PEPD: variants seen among roughly 807,000 people sequenced by gnomAD.
PEPD encodes xaa-Pro dipeptidase.
A neutral mutation model predicts 60.7 loss-of-function variants in PEPD; 53 were observed. The observed-to-expected ratio is 0.87, with a 90% CI of 0.70 to 1.10. The LOEUF is 1.10. PEPD is among the 50% of genes least tolerant of loss of function. PEPD has a pLI of 0.00. For missense variants in PEPD, 711 were observed against 711.9 expected (o/e 1.00, Z 0.01); for synonymous variants, 267 against 284.1 (o/e 0.94, Z 0.60).
At chr19:33,469,898 C>G (rs1356305987) in intron 7 of PEPD, among the ~76,000 whole-genome samples, 1 of 151,852 alleles carries the variant, frequency 6.6e-6, no homozygotes, top group Non-Finnish European at 1.5e-5. Context: ...TGCCAGCCCT[C>G]CCCTCCCCTT....
intron 2 of PEPD, among the ~76,000 whole-genome samples, chr19:33,511,928 C>A (rs1970934045): frequency 6.6e-6 from 1 of 152,192 alleles, no homozygotes; most frequent in Admixed American, 6.5e-5. Flanking sequence ...GGTCGCTCAG[C>A]AATGGGTCTC....
rs7254470 is a variant in PEPD at position 33,412,603 on chromosome 19, G to C, written c.741-854C>G. Among the ~76,000 whole-genome samples the C allele has an allele frequency of 2.9e-4, 44 of 152,344 alleles. No individual in the cohort carries two copies. In the East Asian group the frequency reaches 5.6e-3, roughly 19 times the overall value. On this transcript the variant is annotated intron_variant, in intron 10 of 14. Transcript: ENST00000244137. ...AAAGGACTTTTAAGTCTGTCCAAAG[G>C]GGGGAAGGAAACCCCCACCTGGGTG...
chr19:33,452,971 GA>G (rs1969724125), intron 9 of PEPD, among the ~76,000 whole-genome samples: 1 of 152,172 alleles, frequency 6.6e-6, no homozygotes, highest in African/African-American at 2.4e-5. Flanking sequence ...AGAGTTAAAG[GA>G]AAAAAATATA....
intron 11 of PEPD, among the ~76,000 whole-genome samples, chr19:33,411,385 G>A (rs1968768077): frequency 6.6e-6 from 1 of 152,208 alleles, no homozygotes; most frequent in East Asian, 1.9e-4. Flanking sequence ...GATGGTTCAG[G>A]CCCCCTCAGA....
At chr19:33,485,491 T>TAAAAAAAAAAAAAAAAAAAAAAAAAAA (rs908651690) in intron 6 of PEPD, among the ~76,000 whole-genome samples, 3 of 110,964 alleles carry the variant, frequency 2.7e-5, no homozygotes, top group African/African-American at 1.1e-4. Context: ...AGACTCTGTC[T>TAAAAAAAAAAAAAAAAAAAAAAAAAAA]AAAAAAAAAA....
intron 4 of PEPD, among the ~76,000 whole-genome samples, chr19:33,497,247 G>A (rs528753245): frequency 1.1e-4 from 16 of 152,356 alleles, no homozygotes; most frequent in Admixed American, 2.0e-4. Context: ...GTGCTGCTGC[G>A]GTTGTCCTCT....
intron 9 of PEPD, among the ~76,000 whole-genome samples, chr19:33,453,317 AAAAT>A (rs146067299): frequency 1.2e-4 from 18 of 148,656 alleles, no homozygotes; most frequent in African/African-American, 2.5e-4. Flanking sequence ...CTGTCATAAA[AAAAT>A]AAATAAATAA....
At chr19:33,394,751 C>T (rs1331736174) in intron 12 of PEPD, among the ~76,000 whole-genome samples, 1 of 152,312 alleles carries the variant, frequency 6.6e-6, no homozygotes, top group Admixed American at 6.5e-5. Flanking sequence ...CTGGAAGGCA[C>T]CCCCGGCCCC....
chr19:33,425,297 A>AAAACAAACAAACAAACAAACAAAC (rs113458763), intron 9 of PEPD, among the ~76,000 whole-genome samples: 1 of 151,096 alleles, frequency 6.6e-6, no homozygotes, highest in African/African-American at 2.4e-5. Context: ...ATTCAGTCTC[A>AAAACAAACAAACAAACAAACAAAC]AAACAAACAA....
At chr19:33,397,252 C>T (rs1236387627) in intron 12 of PEPD, among the ~76,000 whole-genome samples, 1 of 152,206 alleles carries the variant, frequency 6.6e-6, no homozygotes. Context: ...CATTCCTCAA[C>T]CCCCCAGGGT....
chr19:33,482,590 C>T (rs1037274934), intron 6 of PEPD, among the ~76,000 whole-genome samples: 36 of 152,192 alleles, frequency 2.4e-4, no homozygotes, highest in African/African-American at 8.2e-4. Context: ...ACTGGAGGTT[C>T]TAGCCAAGGC....
rs142986448 is a variant in PEPD at position 33,460,984 on chromosome 19, C to T, written c.671+2011G>A. ...TGCTTCCAACAGCAGCCAAGTACAA[C>T]ATGTGGACTCTGTGTGGATCCTGAC... On this transcript the variant is annotated intron_variant, in intron 9 of 14. Transcript: ENST00000244137. Among the ~76,000 whole-genome samples the T allele has an allele frequency of 2.0e-3, 298 of 152,334 alleles. 1 individual carries two copies. The highest frequency in any genetic ancestry group is 6.4e-3 in the African/African-American group (265 of 41,580).
intron 9 of PEPD, among the ~76,000 whole-genome samples, chr19:33,434,470 G>A (rs1445914037): frequency 1.3e-5 from 2 of 152,112 alleles, no homozygotes; most frequent in East Asian, 1.9e-4. Flanking sequence ...CACTTTGTGG[G>A]CCTAGGCTGG....
At chr19:33,511,678 C>G (rs1970929562) in intron 2 of PEPD, among the ~76,000 whole-genome samples, 1 of 152,186 alleles carries the variant, frequency 6.6e-6, no homozygotes, top group African/African-American at 2.4e-5. Context: ...GGATCTCTTC[C>G]AAAATTAGCC....
chr19:33,495,254 T>C (rs934238687), intron 4 of PEPD, among the ~76,000 whole-genome samples: 1 of 151,944 alleles, frequency 6.6e-6, no homozygotes, highest in Admixed American at 6.6e-5. Flanking sequence ...ATGCTTGTAA[T>C]CGCAGCACTT....
At chr19:33,456,018 C>T (rs1453578738) in intron 9 of PEPD, among the ~76,000 whole-genome samples, 1 of 152,190 alleles carries the variant, frequency 6.6e-6, no homozygotes, top group African/African-American at 2.4e-5. Flanking sequence ...GAAAGCTCTT[C>T]TCTCTGGTTC....
chr19:33,490,100 C>T (rs778094954), intron 5 of PEPD, 43 bp from the exon 6 acceptor site: 16 of 1,419,894 alleles, frequency 1.1e-5, no homozygotes, highest in Admixed American at 1.7e-5. Flanking sequence ...GGCCGCATGG[C>T]GCCCCCACAG....
chr19:33,444,633 A>G (rs543595538), intron 9 of PEPD, among the ~76,000 whole-genome samples: 1 of 145,030 alleles, frequency 6.9e-6, no homozygotes, highest in South Asian at 2.3e-4. Context: ...CAAGCCTACC[A>G]GTCTGCCCCC....
At chr19:33,487,650 C>T (rs1600155258) in intron 6 of PEPD, among the ~76,000 whole-genome samples, 1 of 152,200 alleles carries the variant, frequency 6.6e-6, no homozygotes, top group Admixed American at 6.5e-5. Flanking sequence ...GAGCACCCCC[C>T]AGTCAGCCCC....
Sources: allele counts gnomAD v4.1 joint callset (sites outside exome capture counted in the v4.1 genomes callset), GRCh38; gene constraint gnomAD v4.1.1; transcripts MANE v1.5; gene names NCBI Gene and HGNC (gene_info 2026-07-23, HGNC 2026-07-21).